Variants in MEF2C observed in about 807,000 individuals in gnomAD.
MEF2C encodes the protein myocyte enhancer factor 2C, also known as myocyte-specific enhancer factor 2C.
MEF2C carries 6 observed loss-of-function variants against 50.5 expected under a neutral mutation model. That is an observed-to-expected ratio of 0.12 (90% CI 0.07 to 0.23). MEF2C has a LOEUF of 0.23. Ranked by LOEUF, MEF2C falls within the 10% of genes least tolerant of loss-of-function variation. The pLI is 1.00. For synonymous variants in MEF2C, 183 were observed against 228.0 expected (o/e 0.80, Z 1.78); for missense variants, 276 against 605.0 (o/e 0.46, Z 5.70).
chr5:88,734,224 T>C (rs550226259), intron 6 of MEF2C: 2 of 985,352 alleles, frequency 2.0e-6, no homozygotes, highest in African/African-American at 3.5e-5. Context: ...CTCTATACTT[T>C]GCTGTCAGCT....
chr5:88,732,038 C>T (rs1463099438), intron 6 of MEF2C, 137 bp from the exon 7 acceptor site: 1 of 780,776 alleles, frequency 1.3e-6, no homozygotes, highest in Non-Finnish European at 2.0e-6. Flanking sequence ...ACTGATTTGA[C>T]CTCCATGGGA....
intron 4 of MEF2C, among the ~76,000 whole-genome samples, chr5:88,754,229 G>A (rs1774181350): frequency 6.6e-6 from 1 of 152,182 alleles, no homozygotes. Flanking sequence ...TGGGCCACAG[G>A]CTGGCTGAGG....
intron 1 of MEF2C, among the ~76,000 whole-genome samples, chr5:88,849,492 T>TA (rs1820520700): frequency 6.6e-6 from 1 of 152,212 alleles, no homozygotes; most frequent in Non-Finnish European, 1.5e-5. Context: ...AGACTCAATT[T>TA]AAAAATCTAC....
At chr5:88,844,713 A>G (rs1818681330) in intron 1 of MEF2C, 1 of 369,256 alleles carries the variant, frequency 2.7e-6, no homozygotes, top group Admixed American at 6.5e-5. Context: ...TCTTTTCCTC[A>G]TGGTTAAAAT....
At chr5:88,786,950 T>C (rs565790897) in intron 3 of MEF2C, among the ~76,000 whole-genome samples, 2 of 152,214 alleles carry the variant, frequency 1.3e-5, no homozygotes, top group Non-Finnish European at 2.9e-5. Context: ...GATAATTGGG[T>C]ATCATAATCA....
chr5:88,789,642 C>T (rs1162695084), intron 3 of MEF2C, among the ~76,000 whole-genome samples: 2 of 152,062 alleles, frequency 1.3e-5, no homozygotes, highest in Non-Finnish European at 2.9e-5. Context: ...ATCTAATTAA[C>T]CTTCCAGCTA....
intron 1 of MEF2C, chr5:88,889,567 G>A (rs1015506798): frequency 1.3e-5 from 2 of 153,892 alleles, no homozygotes; most frequent in African/African-American, 4.8e-5. Flanking sequence ...CTGGACCTGG[G>A]TGCGACGAGT....
intron 1 of MEF2C, among the ~76,000 whole-genome samples, chr5:88,842,135 T>C (rs1232431013): frequency 2.6e-5 from 4 of 152,186 alleles, no homozygotes; most frequent in Non-Finnish European, 5.9e-5. Flanking sequence ...CAATCCTCTA[T>C]GCTACATAGT....
chr5:88,750,206 G>T, intron 5 of MEF2C: 1 of 514,266 alleles, frequency 1.9e-6, no homozygotes. Context: ...ATATATACAC[G>T]ATTTTTTTTT....
At chr5:88,838,790 C>A in intron 1 of MEF2C, 1 of 933,856 alleles carries the variant, frequency 1.1e-6, no homozygotes. Context: ...TTATGGTCTA[C>A]TACAAATCCT....
intron 1 of MEF2C, among the ~76,000 whole-genome samples, chr5:88,902,572 C>T (rs1835775628): frequency 6.7e-6 from 1 of 150,174 alleles, no homozygotes; most frequent in South Asian, 2.1e-4. Flanking sequence ...GTTAGTTATA[C>T]ATTTGTGGCA....
chr5:88,804,009 T>C (rs1054935608), intron 3 of MEF2C, among the ~76,000 whole-genome samples: 2 of 152,206 alleles, frequency 1.3e-5, no homozygotes, highest in African/African-American at 2.4e-5. Context: ...TCTGATTCCA[T>C]GTATATTAAC....
intron 4 of MEF2C, among the ~76,000 whole-genome samples, chr5:88,754,825 T>C (rs1420294750): frequency 6.6e-6 from 1 of 152,220 alleles, no homozygotes; most frequent in East Asian, 1.9e-4. Flanking sequence ...AAACTCAAGA[T>C]GAGAATTTTT....
intron 1 of MEF2C, among the ~76,000 whole-genome samples, chr5:88,850,267 C>A (rs1820841974): frequency 6.6e-6 from 1 of 152,126 alleles, no homozygotes; most frequent in South Asian, 2.1e-4. Flanking sequence ...TGTTTTGTGT[C>A]ATGCACTATT....
intron 3 of MEF2C, among the ~76,000 whole-genome samples, chr5:88,790,777 T>C (rs1048563047): frequency 2.0e-5 from 3 of 152,210 alleles, no homozygotes; most frequent in Admixed American, 6.5e-5. Context: ...AGTAAGTTGA[T>C]ATATATTGAA....
At chr5:88,772,124 A>G (rs1232888700) in intron 3 of MEF2C, 1 of 152,232 alleles carries the variant, frequency 6.6e-6, no homozygotes, top group Admixed American at 6.5e-5. Flanking sequence ...TACTTTACAG[A>G]ATATCTGTCA....
intron 3 of MEF2C, among the ~76,000 whole-genome samples, chr5:88,763,430 C>A (rs1036402166): frequency 6.6e-6 from 1 of 152,126 alleles, no homozygotes; most frequent in Non-Finnish European, 1.5e-5. Flanking sequence ...ATCTCAACCA[C>A]AAAAACATTC....
At chr5:88,793,833 C>T (rs144869746) in intron 3 of MEF2C, among the ~76,000 whole-genome samples, 2 of 151,930 alleles carry the variant, frequency 1.3e-5, no homozygotes, top group East Asian at 1.9e-4. Flanking sequence ...TGTGATATTC[C>T]CCTCCCTGAG....
At chr5:88,726,562 G>A (rs34822815) in intron 10 of MEF2C, among the ~76,000 whole-genome samples, 3,075 of 152,206 alleles carry the variant, frequency 0.02, 43 homozygotes, top group Non-Finnish European at 0.032. Flanking sequence ...AGGACTGGAA[G>A]GGTCATTCCA....
Sources: gnomAD v4.1 joint callset for allele counts (sites outside exome capture counted in the v4.1 genomes callset) on GRCh38, gnomAD v4.1.1 for gene constraint, MANE v1.5 for transcripts, NCBI Gene and HGNC (gene_info 2026-07-23, HGNC 2026-07-21) for gene names.